BNC2: variants seen among roughly 807,000 people sequenced by gnomAD.
The protein encoded by BNC2 is basonuclin zinc finger protein 2, also known as zinc finger protein basonuclin-2.
BNC2 carries 20 observed loss-of-function variants against 76.3 expected under a neutral mutation model. The observed-to-expected ratio is 0.26, with a 90% CI of 0.18 to 0.38. BNC2 has a LOEUF of 0.38. Among genes scored for constraint, BNC2 ranks in the 10% least tolerant of loss-of-function variants. The pLI is 1.00. For missense variants in BNC2, 1,382 were observed against 1,399.8 expected (o/e 0.99, Z 0.20); for synonymous variants, 582 against 514.8 (o/e 1.13, Z -1.77).
chr9:16,792,731 A>C (rs1320906265), intron 1 of BNC2, among the ~76,000 whole-genome samples: 1 of 152,252 alleles, frequency 6.6e-6, no homozygotes, highest in East Asian at 1.9e-4. Flanking sequence ...CGTATAAAAA[A>C]GCTAGAGTGC....
Position 16,437,176 on chromosome 9 carries a change from G to A in BNC2, c.1018C>T (p.Pro340Ser). 6.2e-7 allele frequency: 1 copy of A among 1,614,158 alleles called. No homozygotes were observed. The highest frequency in any genetic ancestry group is 8.5e-7 in the Non-Finnish European group (1 of 1,180,028). The change falls in exon 6 of 7, where the codon CCA becomes TCA. Residue 340 changes from proline to serine, a missense_variant. Pro to Ser is a moderately conservative substitution (Grantham distance 74). Transcript: ENST00000380672. ...GGTTGCTCTAACAGTAGCCCATTTG[G>A]AGGCAACCCTAGCAGTGGTGCTGAG... is the stretch of plus-strand genomic sequence containing the variant. ...PVSAPLLGLP[P>S]NGLLLEQPGL...
rs538183683 is a variant in BNC2 at position 16,693,105 on chromosome 9, G to C, written c.330+34692C>G. Among the ~76,000 whole-genome samples the C allele has an allele frequency of 1.8e-4, 25 of 142,696 alleles. No homozygotes were observed. The East Asian group carries it at 3.8e-3, about 22-fold the overall frequency. 93.6% of individuals were successfully genotyped at this position (142,696 alleles called of 152,430 possible). A position where few individuals can be genotyped will look rare whatever the true frequency, so the allele number is the denominator to read the frequency against. On this transcript the variant is annotated intron_variant, in intron 3 of 6. Transcript: ENST00000380672. ...AGATCTCACCACTGCACTCCAGCCT[G>C]GGCAACACAGTAAGACAGTCTCAAA...
intron 3 of BNC2, among the ~76,000 whole-genome samples, chr9:16,708,518 GA>G (rs948056408): frequency 6.6e-6 from 1 of 152,006 alleles, no homozygotes; most frequent in African/African-American, 2.4e-5. Context: ...AACCCTGAGT[GA>G]GGGAAAACTC....
At chr9:16,776,073 G>C (rs1825958045) in intron 1 of BNC2, among the ~76,000 whole-genome samples, 1 of 152,148 alleles carries the variant, frequency 6.6e-6, no homozygotes, top group South Asian at 2.1e-4. Flanking sequence ...GGACCTGCAG[G>C]AAACTCCTCC....
chr9:16,741,304 T>A (rs760198253), intron 1 of BNC2, among the ~76,000 whole-genome samples: 2 of 151,512 alleles, frequency 1.3e-5, no homozygotes, highest in African/African-American at 2.4e-5. Context: ...AAATACAAAA[T>A]TAGCCAGGTA....
chr9:16,527,848 G>A (rs1035259781), intron 5 of BNC2, among the ~76,000 whole-genome samples: 1 of 152,170 alleles, frequency 6.6e-6, no homozygotes, highest in Admixed American at 6.5e-5. Context: ...AATTAAGGTG[G>A]GAGAGATGAG....
chr9:16,698,346 A>G (rs933073428), intron 3 of BNC2, among the ~76,000 whole-genome samples: 27 of 152,116 alleles, frequency 1.8e-4, no homozygotes, highest in Admixed American at 7.9e-4. Flanking sequence ...CCACAAACCA[A>G]GAACTCATTA....
intron 1 of BNC2, among the ~76,000 whole-genome samples, chr9:16,821,623 T>G (rs577341565): frequency 6.6e-5 from 10 of 152,242 alleles, no homozygotes; most frequent in Middle Eastern, 6.8e-3. Flanking sequence ...ACTGTAGAAG[T>G]TGCAAGGAGC....
intron 5 of BNC2, among the ~76,000 whole-genome samples, chr9:16,473,966 C>G (rs762192252): frequency 1.3e-5 from 2 of 152,162 alleles, no homozygotes; most frequent in Non-Finnish European, 2.9e-5. Flanking sequence ...CAATGTCTTA[C>G]CACTCAGGGG....
chr9:16,822,578 G>GA (rs1385872582), intron 1 of BNC2, among the ~76,000 whole-genome samples: 2 of 152,154 alleles, frequency 1.3e-5, no homozygotes, highest in African/African-American at 4.8e-5. Flanking sequence ...AACTTACTGG[G>GA]AAACTGCCTG....
intron 6 of BNC2, among the ~76,000 whole-genome samples, chr9:16,423,518 ATCT>A (rs1331699298): frequency 5.3e-5 from 8 of 152,224 alleles, no homozygotes; most frequent in Non-Finnish European, 1.0e-4. Context: ...ATCTTACTCA[ATCT>A]TATGTGTCCT....
chr9:16,700,413 G>A (rs1563905305), intron 3 of BNC2, among the ~76,000 whole-genome samples: 1 of 152,058 alleles, frequency 6.6e-6, no homozygotes, highest in Non-Finnish European at 1.5e-5. Flanking sequence ...AGCTATTCTG[G>A]AGGCTGAGGA....
intron 1 of BNC2, among the ~76,000 whole-genome samples, chr9:16,750,357 A>G (rs1378355072): frequency 6.6e-6 from 1 of 152,250 alleles, no homozygotes; most frequent in Non-Finnish European, 1.5e-5. Flanking sequence ...TCTATCTTCA[A>G]TTCTCTACCA....
chr9:16,675,245 ATTGAG>A (rs1421902100), intron 3 of BNC2, among the ~76,000 whole-genome samples: 2 of 149,888 alleles, frequency 1.3e-5, no homozygotes, highest in South Asian at 2.2e-4. Context: ...CAAGGACTAA[ATTGAG>A]TTAATTTTTT....
chr9:16,544,192 T>G (rs941447036), intron 5 of BNC2, among the ~76,000 whole-genome samples: 11 of 152,222 alleles, frequency 7.2e-5, no homozygotes, highest in Admixed American at 3.3e-4. Context: ...ATTAGAGTGC[T>G]GGTTTTCTGA....
rs144013772 is a variant in BNC2, at chr9:16,622,067, G to C, written c.331-38982C>G. On this transcript the variant is annotated intron_variant, in intron 3 of 6. Transcript: ENST00000380672. ...TCCATTTCAATCTCTTGTTGGTTGT[G>C]ATGACCGTGGTCTTCTTAACCTCCT... 1.7e-3 allele frequency among the ~76,000 whole-genome samples: 256 copies of C among 152,190 alleles called. 1 individual carries two copies. Among genetic ancestry groups the C allele is most frequent in the African/African-American group, 5.9e-3 (243 of 41,528 alleles).
At chr9:16,684,980 A>G (rs1202333606) in intron 3 of BNC2, among the ~76,000 whole-genome samples, 1 of 152,280 alleles carries the variant, frequency 6.6e-6, no homozygotes, top group South Asian at 2.1e-4. Context: ...AAGACAGAAG[A>G]TATTTCATTA....
chr9:16,579,975 A>T lies in BNC2; in HGVS notation c.433+3008T>A, dbSNP rs936767046. 9 of 397,096 alleles carry T rather than the reference A, an allele frequency of 2.3e-5. No individual in the cohort carries two copies. In the Admixed American group the frequency reaches 4.0e-4, roughly 18 times the overall value. 24.6% of individuals were successfully genotyped at this position (397,096 alleles called of 1,614,324 possible). A position where few individuals can be genotyped will look rare whatever the true frequency, so the allele number is the denominator to read the frequency against. On this transcript the variant is annotated intron_variant, in intron 4 of 6. Coordinates refer to ENST00000380672, the MANE Select transcript of BNC2 (RefSeq NM_017637.6). ...ACCATGAAACCATTCTGGGCAATGTATCTTGGTAGTTTTGTTGCTGTTCCA... is the reference window on the plus strand; with the variant it reads ...ACCATGAAACCATTCTGGGCAATGTTTCTTGGTAGTTTTGTTGCTGTTCCA...
In BNC2 at chr9:16,501,761, T is replaced by C. The variant is rs544017623; in HGVS notation, c.669+50769A>G. Among the ~76,000 whole-genome samples the C allele has an allele frequency of 2.0e-5, 3 of 152,218 alleles. No individual in the cohort carries two copies. In the East Asian group the frequency reaches 5.8e-4, roughly 29 times the overall value. On this transcript the variant is annotated intron_variant, in intron 5 of 6. Coordinates refer to ENST00000380672, the MANE Select transcript of BNC2 (RefSeq NM_017637.6). ...ATTAGGGGCTGGATGAATGGCTAAG[T>C]GGGTTTTAAAAAAGCGAATGTAACC...
Sources: gnomAD v4.1 joint callset for allele counts (sites outside exome capture counted in the v4.1 genomes callset) on GRCh38, gnomAD v4.1.1 for gene constraint, MANE v1.5 for transcripts, NCBI Gene and HGNC (gene_info 2026-07-23, HGNC 2026-07-21) for gene names.